The following N4BP2 variants were observed in gnomAD, a reference collection of about 807,000 sequenced individuals.
The protein encoded by N4BP2 is NEDD4 binding protein 2, also known as NEDD4-binding protein 2.
Under a neutral mutation model 152.8 loss-of-function variants are expected in N4BP2, and 91 were observed. The observed-to-expected ratio is 0.60, with a 90% confidence interval of 0.50 to 0.71. The LOEUF (loss-of-function observed/expected upper bound fraction) is 0.71. Ranked by LOEUF, N4BP2 falls within the 30% of genes least tolerant of loss-of-function variation. The pLI is 0.00. For missense variants in N4BP2, 1,923 were observed against 2,059.1 expected (o/e 0.93, Z 1.28); for synonymous variants, 646 against 705.3 (o/e 0.92, Z 1.33).
chr4:40,061,356 TTTTATTTA>T (rs3070964), intron 1 of N4BP2, among the ~76,000 whole-genome samples: 1 of 150,162 alleles, frequency 6.7e-6, no homozygotes, highest in African/African-American at 2.4e-5. Flanking sequence ...TTTTATTTCA[TTTTATTTA>T]TTTATTTATT....
intron 5 of N4BP2, among the ~76,000 whole-genome samples, chr4:40,107,403 G>A (rs1579042747): frequency 6.7e-6 from 1 of 148,414 alleles, no homozygotes; most frequent in African/African-American, 2.5e-5. Flanking sequence ...TTTTTTTTTC[G>A]AGATGGAGTC....
chr4:40,145,835 A>G (rs995573705), intron 16 of N4BP2, among the ~76,000 whole-genome samples: 1 of 152,136 alleles, frequency 6.6e-6, no homozygotes, highest in Non-Finnish European at 1.5e-5. Flanking sequence ...CAGTGAAAAA[A>G]TAGTTACATA....
chr4:40,169,963 CAAA>C, the N4BP2 span, among the ~76,000 whole-genome samples: 2,480 of 45,814 alleles, frequency 0.054, 57 homozygotes, highest in African/African-American at 0.15. Context: ...GACTCAATCT[CAAA>C]AAAAAAAAAA....
At chr4:40,159,245 G>A (rs967348081), downstream of N4BP2, among the ~76,000 whole-genome samples, 3 of 152,196 alleles carry the variant, frequency 2.0e-5, no homozygotes, top group African/African-American at 4.8e-5. Context: ...TCTCCAGAGA[G>A]TTGTGGCTCC....
chr4:40,105,994 G>A (rs1716238749), intron 4 of N4BP2, among the ~76,000 whole-genome samples: 1 of 152,208 alleles, frequency 6.6e-6, no homozygotes, highest in South Asian at 2.1e-4. Context: ...AGCTCCATGA[G>A]TGCAAGCTTT....
At chr4:40,132,767 G>A (rs1199988729) in intron 13 of N4BP2, among the ~76,000 whole-genome samples, 2 of 151,406 alleles carry the variant, frequency 1.3e-5, no homozygotes, top group Non-Finnish European at 2.9e-5. Context: ...TTGATCTTTA[G>A]TTTATTAATA....
chr4:40,099,859 TTCA>T (rs1334351193), intron 3 of N4BP2, among the ~76,000 whole-genome samples: 1 of 152,128 alleles, frequency 6.6e-6, no homozygotes, highest in East Asian at 1.9e-4. Context: ...GTAGATTTTT[TTCA>T]TAGAAATACT....
At chr4:40,186,778 A>T in the N4BP2 span, among the ~76,000 whole-genome samples, 2 of 152,224 alleles carry the variant, frequency 1.3e-5, no homozygotes, top group Non-Finnish European at 2.9e-5. Context: ...AAAGGAAATC[A>T]TTGCCTTCAA....
intron 13 of N4BP2, among the ~76,000 whole-genome samples, chr4:40,135,348 T>C (rs1719289283): frequency 1.3e-5 from 2 of 151,492 alleles, no homozygotes; most frequent in African/African-American, 4.9e-5. Context: ...CAGTCTATCA[T>C]TGTTGGACAT....
chr4:40,074,900 G>A (rs1206581013), intron 2 of N4BP2, among the ~76,000 whole-genome samples: 1 of 152,046 alleles, frequency 6.6e-6, no homozygotes, highest in African/African-American at 2.4e-5. Flanking sequence ...CCAGCTACTT[G>A]GGAGGCTGAG....
intron 12 of N4BP2, among the ~76,000 whole-genome samples, chr4:40,130,520 GTTTA>G (rs1718818256): frequency 6.6e-6 from 1 of 151,914 alleles, no homozygotes; most frequent in Admixed American, 6.6e-5. Flanking sequence ...AGATTATTTT[GTTTA>G]TTTATTTTTG....
At chr4:40,145,936 C>T (rs776027103) in intron 16 of N4BP2, among the ~76,000 whole-genome samples, 33 of 151,972 alleles carry the variant, frequency 2.2e-4, no homozygotes, top group Non-Finnish European at 4.0e-4. Context: ...CCGAGGTGGG[C>T]GGATCACCTG....
At chr4:40,152,632 A>G in intron 16 of N4BP2, 148 bp from the exon 17 acceptor site, 1 of 716,680 alleles carries the variant, frequency 1.4e-6, no homozygotes, top group Non-Finnish European at 2.3e-6. Context: ...TTGAGATAGC[A>G]AATCTGTCTT....
rs928389328 is a variant in N4BP2 at position 40,121,309 on chromosome 4, T to G, written c.3198T>G (p.Ile1066Met). Residue 1066 changes from isoleucine (I) to methionine (M), a missense_variant, in exon 9 of 18, where the codon ATT becomes ATG. Coordinates refer to ENST00000261435, the MANE Select transcript of N4BP2 (RefSeq NM_018177.6). ...INTKSDVQEA[I>M]PYRVMYDKST... The stretch of plus-strand genomic sequence containing the variant: ...CAAAATCAGACGTTCAAGAAGCAAT[T>G]CCATATAGAGTAATGTATGATAAAA... 6.2e-7 allele frequency: 1 copy of G among 1,613,816 alleles called. No individual in the cohort carries two copies. Among genetic ancestry groups the G allele is most frequent in the Non-Finnish European group, 8.5e-7 (1 of 1,179,992 alleles).
intron 7 of N4BP2, among the ~76,000 whole-genome samples, chr4:40,116,813 T>C (rs1255959636): frequency 6.6e-6 from 1 of 152,202 alleles, no homozygotes; most frequent in African/African-American, 2.4e-5. Flanking sequence ...TTTATTGCCC[T>C]CATTCTTGTA....
At chr4:40,132,386 A>G (rs1207329764) in intron 13 of N4BP2, among the ~76,000 whole-genome samples, 1 of 152,026 alleles carries the variant, frequency 6.6e-6, no homozygotes, top group East Asian at 1.9e-4. Flanking sequence ...ATTTTTCTTT[A>G]TTATTTTAAA....
chr4:40,145,340 C>T lies in N4BP2; in HGVS notation c.5143+540C>T, dbSNP rs1307699032. ...CTGGGTTCAAGCCATTCTCGTGCCT[C>T]AGCCTCCCGAGTAGCTGGGATTACA... On this transcript the variant is annotated intron_variant, in intron 16 of 17. Coordinates refer to ENST00000261435, the MANE Select transcript of N4BP2 (RefSeq NM_018177.6). Among the ~76,000 whole-genome samples the T allele has an allele frequency of 2.0e-5, 3 of 152,126 alleles. No homozygotes were observed. The East Asian group carries it at 5.8e-4, about 29-fold the overall frequency.
rs947688054 is a variant in N4BP2 at position 40,102,577 on chromosome 4, T to C, written c.732T>C (p.Leu244=). 14 of 1,614,070 alleles carry C rather than the reference T, an allele frequency of 8.7e-6. No individual in the cohort carries two copies. The African/African-American group carries it at 1.2e-4, about 14-fold the overall frequency. The change falls in exon 4 of 18, where the codon CTT becomes CTC. Residue 244 remains leucine, a synonymous_variant. Transcript: ENST00000261435. ...ALESNYPEDS[L]LSSSLNVASD... The stretch of plus-strand genomic sequence containing the variant: ...AAAGTAACTACCCGGAAGATTCTCT[T>C]CTCAGTAGTTCTTTAAATGTAGCAA...
chr4:40,078,745 C>G (rs947513871), intron 2 of N4BP2, among the ~76,000 whole-genome samples: 1 of 151,606 alleles, frequency 6.6e-6, no homozygotes, highest in South Asian at 2.1e-4. Context: ...CCTGGCTGGT[C>G]TTAGACTCCT....
Sources: gnomAD v4.1 joint callset for allele counts (sites outside exome capture counted in the v4.1 genomes callset) on GRCh38, gnomAD v4.1.1 for gene constraint, MANE v1.5 for transcripts, NCBI Gene and HGNC (gene_info 2026-07-23, HGNC 2026-07-21) for gene names.